The following PFKM variants were observed in gnomAD, a reference collection of about 807,000 sequenced individuals.
PFKM encodes the protein ATP-dependent 6-phosphofructokinase, muscle type.
In PFKM, 58 loss-of-function variants were observed where a neutral mutation model predicts 95.5. That is an observed-to-expected ratio of 0.61 (90% CI 0.49 to 0.76). The LOEUF is 0.76. Among genes scored for constraint, PFKM ranks in the 30% least tolerant of loss-of-function variants. PFKM has a pLI of 0.00. For synonymous variants in PFKM, 336 were observed against 357.2 expected (o/e 0.94, Z 0.67); for missense variants, 678 against 1,005.4 (o/e 0.67, Z 4.40).
rs144671795 is a variant in PFKM, at chr12:48,122,005, G to A, written c.-8-762G>A. On this transcript the variant is annotated intron_variant, in intron 1 of 22. Transcript: ENST00000359794. ...TAAAATATGAAGGTGTTCCCATGTCGTATGTACACATCTGTGTATATACGG... is the reference window on the plus strand; with the variant it reads ...TAAAATATGAAGGTGTTCCCATGTCATATGTACACATCTGTGTATATACGG... 2.0e-4 allele frequency among the ~76,000 whole-genome samples: 31 copies of A among 152,178 alleles called. No homozygotes were observed. The East Asian group carries it at 4.1e-3, about 20-fold the overall frequency.
chr12:48,122,531 G>A, intron 1 of PFKM: 1 of 1,332,398 alleles, frequency 7.5e-7, no homozygotes, highest in Non-Finnish European at 9.7e-7. Context: ...GAGGGATCAG[G>A]GAGGAATTAG....
chr12:48,129,645 G>GGT (rs942977823), intron 2 of PFKM, among the ~76,000 whole-genome samples: 4 of 152,104 alleles, frequency 2.6e-5, no homozygotes, highest in South Asian at 2.1e-4. Flanking sequence ...AAAAAAGGGG[G>GGT]GTGTGTGTGT....
chr12:48,139,985 C>A, intron 13 of PFKM, 73 bp downstream of exon 13: 2 of 970,454 alleles, frequency 2.1e-6, no homozygotes, highest in Non-Finnish European at 3.3e-6. Context: ...AATGCTACCA[C>A]AGTCCATACA....
upstream of PFKM, chr12:48,105,372 A>G (rs1459404091): frequency 3.9e-6 from 2 of 518,946 alleles, no homozygotes; most frequent in Non-Finnish European, 7.7e-6. Context: ...GTTAGGGTAC[A>G]CCAAGAAAGA....
chr12:48,112,425 A>C (rs955464203), intron 3 of PFKM, among the ~76,000 whole-genome samples: 1 of 152,106 alleles, frequency 6.6e-6, no homozygotes, highest in Non-Finnish European at 1.5e-5. Flanking sequence ...AATTATGTTG[A>C]GATAGGTAAT....
chr12:48,106,335 C>CT, intron 1 of PFKM: 1 of 558,776 alleles, frequency 1.8e-6, no homozygotes, highest in Non-Finnish European at 3.2e-6. Context: ...TCGTCCTATG[C>CT]TTTTCTCTGT....
intron 2 of PFKM, among the ~76,000 whole-genome samples, chr12:48,129,827 T>C (rs1478412590): frequency 1.3e-5 from 2 of 152,194 alleles, no homozygotes; most frequent in Non-Finnish European, 2.9e-5. Flanking sequence ...GTACAGCCAT[T>C]GACATTAGTA....
At chr12:48,143,952 G>A (rs1230442469) in intron 19 of PFKM, 94 bp from the exon 20 acceptor site, 3 of 1,124,910 alleles carry the variant, frequency 2.7e-6, no homozygotes, top group Non-Finnish European at 2.7e-6. Context: ...TTGAATCCTT[G>A]GAGGAGATAA....
chr12:48,140,409 A>T (rs536901328), intron 13 of PFKM, among the ~76,000 whole-genome samples: 77 of 152,330 alleles, frequency 5.1e-4, no homozygotes, highest in Non-Finnish European at 1.0e-3. Context: ...GTGGATTCTG[A>T]TGCAGGTGAT....
chr12:48,140,985 C>A, intron 14 of PFKM, 114 bp downstream of exon 14: 1 of 1,122,224 alleles, frequency 8.9e-7, no homozygotes, highest in Non-Finnish European at 1.3e-6. Context: ...TCTCCTCTCT[C>A]AGGGTCCAGG....
At chr12:48,125,321 T>A in intron 2 of PFKM, 1 of 449,112 alleles carries the variant, frequency 2.2e-6, no homozygotes, top group African/African-American at 2.0e-5. Flanking sequence ...TTTTTTTTTT[T>A]AAGAGATGGG....
Position 48,140,740 on chromosome 12 carries a change from G to C in PFKM, c.1210G>C (p.Ala404Pro). 6.2e-7 allele frequency: 1 copy of C among 1,614,210 alleles called. No individual in the cohort carries two copies. Among genetic ancestry groups the C allele is most frequent in the Non-Finnish European group, 8.5e-7 (1 of 1,180,034 alleles). ...PVSKSGSHTV[A>P]VMNVGAPAAG... The stretch of plus-strand genomic sequence containing the variant: ...TGTATAGAGTGGTTCGCACACAGTG[G>C]CTGTGATGAACGTGGGGGCTCCGGC... Residue 404 changes from alanine to proline, a missense_variant, in exon 14 of 23, where the codon GCT becomes CCT. Coordinates refer to ENST00000359794, the MANE Select transcript of PFKM (RefSeq NM_000289.6).
At chr12:48,132,650 A>G (rs1949628796) in intron 4 of PFKM, 7 of 587,672 alleles carry the variant, frequency 1.2e-5, no homozygotes, top group Non-Finnish European at 2.1e-5. Context: ...AGTTCTTAGC[A>G]GTCTTCTCAG....
intron 1 of PFKM, 97 bp downstream of exon 1, chr12:48,119,503 C>A: frequency 1.4e-6 from 1 of 702,154 alleles, no homozygotes; most frequent in Non-Finnish European, 1.8e-6. Flanking sequence ...CTGAAAGGAG[C>A]AGAAAGGAAA....
intron 3 of PFKM, among the ~76,000 whole-genome samples, chr12:48,131,077 T>C (rs930485560): frequency 6.6e-6 from 1 of 152,108 alleles, no homozygotes; most frequent in African/African-American, 2.4e-5. Flanking sequence ...GATTAACTAT[T>C]AGGAAGGATA....
chr12:48,134,748 C>T lies in PFKM; in HGVS notation c.666C>T (p.Ser222=), dbSNP rs1249664880. 3.7e-6 allele frequency: 6 copies of T among 1,614,022 alleles called. No homozygotes were observed. In the South Asian group the frequency reaches 6.6e-5, roughly 18 times the overall value. The change falls in exon 8 of 23, where the codon TCC becomes TCT. Residue 222 remains serine, a synonymous_variant. Transcript: ENST00000359794. ...CGYLALVTSL[S]CGADWVFIPE... ...ACCTGGCCCTTGTCACCTCTCTGTC[C>T]TGTGGGGCCGACTGGGTTTTTATTC...
At chr12:48,118,399 A>G, upstream of PFKM, 1 of 737,306 alleles carries the variant, frequency 1.4e-6, no homozygotes, top group Non-Finnish European at 2.3e-6. Context: ...TGATGGTATA[A>G]TTTGGAGAAC....
chr12:48,139,166 A>G, intron 11 of PFKM, 119 bp from the exon 12 acceptor site: 1 of 801,650 alleles, frequency 1.2e-6, no homozygotes, highest in Non-Finnish European at 2.2e-6. Context: ...GGTGGGGTGT[A>G]GAATGGACAG....
chr12:48,132,875 C>T lies in PFKM; in HGVS notation c.245C>T (p.Thr82Met), dbSNP rs778168390. The T allele has an allele frequency of 6.8e-6, 11 of 1,611,840 alleles. No homozygotes were observed. The highest frequency in any genetic ancestry group is 1.1e-5 in the South Asian group (1 of 90,628). The change falls in exon 5 of 23, where the codon ACG (threonine) becomes ATG (methionine). Residue 82 changes from threonine (T) to methionine (M), a missense_variant. Coordinates refer to ENST00000359794, the MANE Select transcript of PFKM (RefSeq NM_000289.6). Reference sequence around the variant, plus strand: ...CTTCTACCTCTTCCAAAGGGAGGCACGGTGATTGGAAGTGCCCGGTGCAAG... The same window carrying T: ...CTTCTACCTCTTCCAAAGGGAGGCATGGTGATTGGAAGTGCCCGGTGCAAG... ...SVSMMLQLGG[T>M]VIGSARCKDF...
Sources: gnomAD v4.1 joint callset for allele counts (sites outside exome capture counted in the v4.1 genomes callset) on GRCh38, gnomAD v4.1.1 for gene constraint, MANE v1.5 for transcripts, NCBI Gene and HGNC (gene_info 2026-07-23, HGNC 2026-07-21) for gene names.